Variants in ZNF385D observed in about 807,000 individuals in gnomAD.
The protein encoded by ZNF385D is zinc finger protein 659.
Under a neutral mutation model 35.8 loss-of-function variants are expected in ZNF385D, and 15 were observed. That is an observed-to-expected ratio of 0.42 (90% CI 0.28 to 0.64). ZNF385D has a LOEUF of 0.64. Ranked by LOEUF, ZNF385D falls within the 30% of genes least tolerant of loss-of-function variation. The pLI is 0.23. For missense variants in ZNF385D, 474 were observed against 494.6 expected, an observed-to-expected ratio of 0.96 and a Z score of 0.39; for synonymous variants, 212 against 186.8, an observed-to-expected ratio of 1.13 and a Z score of -1.10.
At chr3:21,825,253 C>T (rs1358408431) in intron 3 of ZNF385D, among the ~76,000 whole-genome samples, 1 of 152,108 alleles carries the variant, frequency 6.6e-6, no homozygotes, top group Non-Finnish European at 1.5e-5. Flanking sequence ...CCAGGTGAAA[C>T]CCCCTTGGCT....
intron 2 of ZNF385D, among the ~76,000 whole-genome samples, chr3:21,573,135 T>C (rs922677246): frequency 6.6e-6 from 1 of 152,156 alleles, no homozygotes; most frequent in African/African-American, 2.4e-5. Context: ...AAAATAAATA[T>C]GTTTAAACAA....
intron 4 of ZNF385D, among the ~76,000 whole-genome samples, chr3:21,491,976 T>C (rs1705460563): frequency 6.6e-6 from 1 of 152,046 alleles, no homozygotes; most frequent in Non-Finnish European, 1.5e-5. Flanking sequence ...TAGATAAAGC[T>C]TTCATTAAAT....
intron 3 of ZNF385D, among the ~76,000 whole-genome samples, chr3:21,953,192 T>C (rs1702140446): frequency 6.6e-6 from 1 of 151,970 alleles, no homozygotes; most frequent in South Asian, 2.1e-4. Flanking sequence ...AAAACATTTG[T>C]AAAGGTCATG....
chr3:22,358,489 G>A (rs1228937889), intron 2 of ZNF385D, among the ~76,000 whole-genome samples: 1 of 151,794 alleles, frequency 6.6e-6, no homozygotes, highest in Non-Finnish European at 1.5e-5. Context: ...CAGCAGGTCT[G>A]GTGGGAGAGA....
chr3:21,899,597 G>C (rs955758772), intron 3 of ZNF385D, among the ~76,000 whole-genome samples: 2 of 152,068 alleles, frequency 1.3e-5, no homozygotes, highest in Non-Finnish European at 2.9e-5. Flanking sequence ...CCAGGAGACT[G>C]TGAATAAACA....
intron 3 of ZNF385D, among the ~76,000 whole-genome samples, chr3:22,089,869 C>T (rs971121878): frequency 2.0e-5 from 3 of 152,056 alleles, no homozygotes; most frequent in African/African-American, 7.2e-5. Context: ...TGGAGTCTTG[C>T]TCTGTGGTCA....
At chr3:21,588,114 A>C (rs573477767) in intron 2 of ZNF385D, among the ~76,000 whole-genome samples, 8 of 152,274 alleles carry the variant, frequency 5.3e-5, no homozygotes, top group African/African-American at 1.9e-4. Context: ...TGGGGATGAC[A>C]AATGTATGTA....
intron 2 of ZNF385D, among the ~76,000 whole-genome samples, chr3:22,248,068 A>T (rs1212159887): frequency 6.6e-6 from 1 of 152,178 alleles, no homozygotes; most frequent in African/African-American, 2.4e-5. Flanking sequence ...GGTAGCCCTC[A>T]ATCAAGCTGA....
At chr3:22,045,760 C>T (rs35175501) in intron 3 of ZNF385D, among the ~76,000 whole-genome samples, 30,317 of 151,834 alleles carry the variant, frequency 0.2, 3,215 homozygotes, top group South Asian at 0.35. Context: ...TGACCATTCT[C>T]TCAAACCAAT....
At chr3:21,569,637 G>A (rs1474527006) in intron 2 of ZNF385D, among the ~76,000 whole-genome samples, 1 of 150,972 alleles carries the variant, frequency 6.6e-6, no homozygotes, top group African/African-American at 2.4e-5. Flanking sequence ...CTCGTTAGTT[G>A]ATGCAGTTTC....
intron 3 of ZNF385D, among the ~76,000 whole-genome samples, chr3:22,043,186 T>C (rs185446): frequency 0.26 from 38,815 of 152,108 alleles, 5,487 homozygotes; most frequent in Middle Eastern, 0.35. Context: ...AACAAAACAA[T>C]AGCACTAAAT....
intron 3 of ZNF385D, among the ~76,000 whole-genome samples, chr3:22,061,271 A>G (rs1699672766): frequency 6.6e-6 from 1 of 152,152 alleles, no homozygotes; most frequent in Non-Finnish European, 1.5e-5. Flanking sequence ...TAACTGAATA[A>G]TATCATAAGG....
chr3:21,437,841 A>AGACT (rs1204683260), intron 4 of ZNF385D, among the ~76,000 whole-genome samples: 2 of 152,148 alleles, frequency 1.3e-5, no homozygotes, highest in African/African-American at 4.8e-5. Context: ...AAGAAGAAGA[A>AGACT]GACTAGTCTA....
intron 5 of ZNF385D, among the ~76,000 whole-genome samples, chr3:21,428,614 C>T (rs1355066168): frequency 6.6e-6 from 1 of 151,982 alleles, no homozygotes; most frequent in Non-Finnish European, 1.5e-5. Flanking sequence ...GAGCAGAGTG[C>T]CACGAATGGT....
rs113276510 is a variant in ZNF385D at position 22,341,683 on chromosome 3, A to T, written c.106+30767T>A. Among the ~76,000 whole-genome samples, 92 of 152,318 alleles carry T rather than the reference A, an allele frequency of 6.0e-4. 2 individuals are homozygous for T. The highest frequency in any genetic ancestry group is 2.2e-3 in the African/African-American group (90 of 41,574). ...AACATCAAACAGAGTTGATAGTCAT[A>T]TCTTTTGGAGGCTATAAAATGTAGG... is the stretch of plus-strand genomic sequence containing the variant. On this transcript the variant is annotated intron_variant, in intron 2 of 5. Transcript: ENST00000494108.
chr3:21,862,732 G>A (rs925688547), intron 3 of ZNF385D, among the ~76,000 whole-genome samples: 2 of 152,116 alleles, frequency 1.3e-5, no homozygotes, highest in East Asian at 1.9e-4. Context: ...CCTCCCCAAG[G>A]GCTCCTTATA....
chr3:21,954,496 C>G (rs1437186212), intron 3 of ZNF385D, among the ~76,000 whole-genome samples: 1 of 152,002 alleles, frequency 6.6e-6, no homozygotes, highest in Non-Finnish European at 1.5e-5. Flanking sequence ...TAAACTTTCT[C>G]ATTTTGCAGC....
rs2065339863 is a variant in ZNF385D, at chr3:21,633,474, G to A, written c.165+31412C>T. On this transcript the variant is annotated intron_variant, in intron 2 of 7. Coordinates refer to ENST00000281523, the MANE Select transcript of ZNF385D (RefSeq NM_024697.3). Reference sequence around the variant, plus strand: ...AAGAAAGAGCAAAGAAGTAGGACAAGAGAAAAAAACCTTTAATACACATAT... The same window carrying A: ...AAGAAAGAGCAAAGAAGTAGGACAAAAGAAAAAAACCTTTAATACACATAT... Among the ~76,000 whole-genome samples, 4 of 152,072 alleles carry A rather than the reference G, an allele frequency of 2.6e-5. No homozygotes were observed. In the South Asian group the frequency reaches 8.3e-4, roughly 31 times the overall value.
intron 2 of ZNF385D, among the ~76,000 whole-genome samples, chr3:22,271,597 T>G (rs1377025249): frequency 6.6e-6 from 1 of 151,906 alleles, no homozygotes; most frequent in South Asian, 2.1e-4. Flanking sequence ...CCAGCCACAC[T>G]CCATGTTCTT....
Sources: gnomAD v4.1 joint callset for allele counts (sites outside exome capture counted in the v4.1 genomes callset) on GRCh38, gnomAD v4.1.1 for gene constraint, MANE v1.5 for transcripts, NCBI Gene and HGNC (gene_info 2026-07-23, HGNC 2026-07-21) for gene names.